DLEU7: variants seen among roughly 807,000 people sequenced by gnomAD.
DLEU7 encodes deleted in lymphocytic leukemia 7.
DLEU7 carries 17 observed loss-of-function variants against 16.0 expected under a neutral mutation model. The ratio of observed to expected loss-of-function variants is 1.06; its 90% confidence interval spans 0.73 to 1.59. The LOEUF is 1.59. Among genes scored for constraint, DLEU7 ranks in the 40% most tolerant of loss-of-function variants. DLEU7 has a pLI of 0.00. For missense variants in DLEU7, 308 were observed against 314.9 expected (o/e 0.98, Z 0.17); for synonymous variants, 113 against 139.8 (o/e 0.81, Z 1.35).
intron 1 of DLEU7, among the ~76,000 whole-genome samples, chr13:50,831,946 CT>C (rs1877283349): frequency 6.6e-6 from 1 of 152,082 alleles, no homozygotes. Context: ...CTGAAATTTT[CT>C]TTTTTTCTTT....
chr13:50,823,556 T>C (rs1183939369), intron 1 of DLEU7, 36 bp from the exon 2 acceptor site: 28 of 1,533,328 alleles, frequency 1.8e-5, no homozygotes, highest in Admixed American at 2.0e-5. Flanking sequence ...AGAAATTAGA[T>C]AGGTTATGGG....
At chr13:50,753,152 G>C (rs1011832644) in intron 1 of DLEU7, among the ~76,000 whole-genome samples, 1 of 152,150 alleles carries the variant, frequency 6.6e-6, no homozygotes, top group African/African-American at 2.4e-5. Flanking sequence ...CCTTGAGCTA[G>C]ATACAGAGTG....
At chr13:50,738,141 A>C (rs1874136833) in intron 1 of DLEU7, among the ~76,000 whole-genome samples, 1 of 152,182 alleles carries the variant, frequency 6.6e-6, no homozygotes. Flanking sequence ...AAGGCTAAGA[A>C]AGCTGCAGAA....
At chr13:50,818,650 C>T (rs1346521222), downstream of DLEU7, 1 of 152,090 alleles carries the variant, frequency 6.6e-6, no homozygotes, top group Non-Finnish European at 1.5e-5. Flanking sequence ...TGGCTTCTAA[C>T]AATGGAAATG....
At chr13:50,784,376 T>G (rs1229395975) in intron 1 of DLEU7, among the ~76,000 whole-genome samples, 1 of 152,202 alleles carries the variant, frequency 6.6e-6, no homozygotes, top group African/African-American at 2.4e-5. Flanking sequence ...CTACTGGAAT[T>G]CCATCTGCAT....
chr13:50,764,939 G>A (rs1190972387), intron 1 of DLEU7, among the ~76,000 whole-genome samples: 1 of 152,148 alleles, frequency 6.6e-6, no homozygotes, highest in African/African-American at 2.4e-5. Context: ...CTGGAGTGCA[G>A]TGGGGCAATC....
intron 1 of DLEU7, among the ~76,000 whole-genome samples, chr13:50,721,932 A>G (rs1873628783): frequency 6.6e-6 from 1 of 151,568 alleles, no homozygotes; most frequent in Non-Finnish European, 1.5e-5. Flanking sequence ...AATATTCAGC[A>G]TTTTTTTTTC....
At chr13:50,713,767 A>G (rs1873361268) in intron 1 of DLEU7, among the ~76,000 whole-genome samples, 1 of 152,214 alleles carries the variant, frequency 6.6e-6, no homozygotes, top group Admixed American at 6.5e-5. Flanking sequence ...GGGCTTGATT[A>G]TAAAATAAAC....
At chr13:50,836,545 G>T (rs1340263484) in intron 1 of DLEU7, among the ~76,000 whole-genome samples, 3 of 151,956 alleles carry the variant, frequency 2.0e-5, no homozygotes, top group Non-Finnish European at 4.4e-5. Flanking sequence ...GTGGTGGCAG[G>T]CGCCTGTAGT....
At chr13:50,728,285 A>G (rs543148974) in intron 1 of DLEU7, among the ~76,000 whole-genome samples, 2 of 152,372 alleles carry the variant, frequency 1.3e-5, no homozygotes, top group East Asian at 1.9e-4. Flanking sequence ...AATAAGAAAT[A>G]TAATAGACTA....
At chr13:50,724,738 C>T (rs568286688) in intron 1 of DLEU7, among the ~76,000 whole-genome samples, 4 of 152,280 alleles carry the variant, frequency 2.6e-5, no homozygotes, top group East Asian at 1.9e-4. Context: ...CTCAGGCTAT[C>T]GGCCCATCGC....
chr13:50,812,835 G>A (rs1876609023), intron 1 of DLEU7, among the ~76,000 whole-genome samples: 1 of 151,650 alleles, frequency 6.6e-6, no homozygotes, highest in Non-Finnish European at 1.5e-5. Context: ...TTAAAGTAAT[G>A]GAGGAAATTC....
At chr13:50,829,066 T>G (rs1877179889) in intron 1 of DLEU7, among the ~76,000 whole-genome samples, 1 of 128,196 alleles carries the variant, frequency 7.8e-6, no homozygotes, top group Non-Finnish European at 1.6e-5. Context: ...ACTGTAAGAT[T>G]TTTTTTGTGA....
chr13:50,758,379 T>C (rs1418240323), intron 1 of DLEU7, among the ~76,000 whole-genome samples: 1 of 122,318 alleles, frequency 8.2e-6, no homozygotes, highest in Non-Finnish European at 1.7e-5. Flanking sequence ...TATTTCACTC[T>C]TGTATTAGTT....
At chr13:50,806,142 A>G (rs1032087338) in intron 1 of DLEU7, among the ~76,000 whole-genome samples, 3 of 152,060 alleles carry the variant, frequency 2.0e-5, no homozygotes, top group African/African-American at 7.2e-5. Flanking sequence ...TCTCTCTCTC[A>G]TTTAAAAATC....
rs1286674831 is a variant in DLEU7 at position 50,726,306 on chromosome 13, T to C, written c.460-13066A>G. Among the ~76,000 whole-genome samples the C allele has an allele frequency of 1.3e-5, 2 of 152,098 alleles. No homozygotes were observed. The highest frequency in any genetic ancestry group is 2.9e-5 in the Non-Finnish European group (2 of 68,018). On this transcript the variant is annotated intron_variant, in intron 1 of 1. Transcript: ENST00000400393. The surrounding 1 kb of genome is among the most constrained non-coding windows in gnomAD (Gnocchi z 4.0). ...ATGCCCATTCCTTTTTCTGTTTTTC[T>C]AGCTCCCCCACCCACCCCTCCTCAG...
At chr13:50,732,634 T>TAAAAAAAA in intron 1 of DLEU7, among the ~76,000 whole-genome samples, 16 of 120,512 alleles carry the variant, frequency 1.3e-4, no homozygotes, top group African/African-American at 6.1e-4. Flanking sequence ...AAAGCTTATG[T>TAAAAAAAA]GCTTATGTTC....
intron 1 of DLEU7, among the ~76,000 whole-genome samples, chr13:50,791,747 A>G (rs1471755284): frequency 6.6e-6 from 1 of 152,222 alleles, no homozygotes; most frequent in Non-Finnish European, 1.5e-5. Flanking sequence ...AAGAAACCAC[A>G]GCAAATGACA....
chr13:50,810,269 C>A (rs1461265846), intron 1 of DLEU7, among the ~76,000 whole-genome samples: 2 of 151,592 alleles, frequency 1.3e-5, no homozygotes, highest in Admixed American at 6.6e-5. Context: ...GCTATTTTTC[C>A]CCCAGGTTTG....
Sources: allele counts gnomAD v4.1 joint callset (sites outside exome capture counted in the v4.1 genomes callset), GRCh38; gene constraint gnomAD v4.1.1; non-coding constraint Gnocchi (gnomAD v3.1); transcripts MANE v1.5; gene names NCBI Gene and HGNC (gene_info 2026-07-23, HGNC 2026-07-21).